Variants in STOML3 observed in about 807,000 individuals in gnomAD.
STOML3 encodes stomatin like 3.
A neutral mutation model predicts 29.5 loss-of-function variants in STOML3; 31 were observed. The ratio of observed to expected loss-of-function variants is 1.05; its 90% CI spans 0.79 to 1.42. The LOEUF (loss-of-function observed/expected upper bound fraction) is 1.42, where lower values mean the gene tolerates loss of function less well. Among genes scored for constraint, STOML3 ranks in the 40% most tolerant of loss-of-function variants. The pLI is 0.00. For missense variants in STOML3, 380 were observed against 363.0 expected (o/e 1.05, Z -0.38); for synonymous variants, 122 against 139.8 (o/e 0.87, Z 0.90).
intron 1 of STOML3, among the ~76,000 whole-genome samples, chr13:38,982,426 T>A (rs892187591): frequency 5.3e-5 from 8 of 152,124 alleles, no homozygotes; most frequent in Admixed American, 2.0e-4. Context: ...TCTTGCCAGT[T>A]TCACAACCCA....
In STOML3 at chr13:38,977,750, A is replaced by ATTTTTTTTTTTTTTTTTTTT. The variant is rs397851686; in HGVS notation, c.53-973_53-954dup. Among the ~76,000 whole-genome samples the ATTTTTTTTTTTTTTTTTTTT allele has an allele frequency of 5.8e-4, 49 of 84,234 alleles. 2 individuals are homozygous for ATTTTTTTTTTTTTTTTTTTT. Among genetic ancestry groups the ATTTTTTTTTTTTTTTTTTTT allele is most frequent in the South Asian group, 2.2e-3 (4 of 1,860 alleles). 55.3% of individuals were successfully genotyped at this position (84,234 alleles called of 152,430 possible). On this transcript the variant is annotated intron_variant, in intron 1 of 6. Coordinates refer to ENST00000379631, the MANE Select transcript of STOML3 (RefSeq NM_145286.3). The stretch of plus-strand genomic sequence containing the variant: ...ATTATATAATTTCTGAAGTCTCCGG[A>ATTTTTTTTTTTTTTTTTTTT]TTTTTTTTTTTTTTTTTTTTTTTTT...
chr13:38,981,922 G>T (rs956745631), intron 1 of STOML3, among the ~76,000 whole-genome samples: 5 of 152,136 alleles, frequency 3.3e-5, no homozygotes, highest in African/African-American at 9.7e-5. Flanking sequence ...TAATACCTGA[G>T]AGCAATGACT....
intron 1 of STOML3, among the ~76,000 whole-genome samples, chr13:38,988,443 A>G (rs1421273675): frequency 1.0e-5 from 1 of 96,410 alleles, no homozygotes; most frequent in Non-Finnish European, 1.8e-5. Context: ...TATAAAATAT[A>G]TTATATTTTA....
intron 1 of STOML3, among the ~76,000 whole-genome samples, chr13:38,980,636 G>T (rs1364817879): frequency 2.6e-5 from 4 of 152,114 alleles, no homozygotes. Flanking sequence ...GTATTCTCTG[G>T]ACAGTTGTCG....
At chr13:38,977,750 A>ATTTTTTTTTTTT (rs397851686) in intron 1 of STOML3, among the ~76,000 whole-genome samples, 6 of 84,234 alleles carry the variant, frequency 7.1e-5, no homozygotes, top group Admixed American at 3.7e-4. Flanking sequence ...AAGTCTCCGG[A>ATTTTTTTTTTTT]TTTTTTTTTT....
intron 1 of STOML3, among the ~76,000 whole-genome samples, chr13:38,988,175 ATATTT>A (rs1432719913): frequency 2.2e-5 from 2 of 91,270 alleles, no homozygotes; most frequent in Non-Finnish European, 3.6e-5. Context: ...ATAATATATT[ATATTT>A]TATATAAAAT....
chr13:38,988,953 A>C (rs942397950), intron 1 of STOML3, among the ~76,000 whole-genome samples: 1 of 145,050 alleles, frequency 6.9e-6, no homozygotes, highest in Non-Finnish European at 1.5e-5. Context: ...TATATATACT[A>C]TATTACACAA....
intron 4 of STOML3, 43 bp from the exon 5 acceptor site, chr13:38,970,431 C>T: frequency 1.3e-6 from 2 of 1,549,528 alleles, no homozygotes; most frequent in East Asian, 2.3e-5. Context: ...TTATGACTTT[C>T]ACCACTACTG....
intron 1 of STOML3, among the ~76,000 whole-genome samples, chr13:38,988,292 T>TATCA (rs1868747969): frequency 1.2e-5 from 1 of 84,112 alleles, no homozygotes; most frequent in Non-Finnish European, 1.9e-5. Flanking sequence ...ATATTATATT[T>TATCA]TATATCATAT....
chr13:38,979,231 A>C (rs928678334), intron 1 of STOML3, among the ~76,000 whole-genome samples: 1 of 152,210 alleles, frequency 6.6e-6, no homozygotes, highest in Non-Finnish European at 1.5e-5. Context: ...GGTGAATCAG[A>C]CTATCATTAC....
Position 38,980,234 on chromosome 13 carries a change from C to A in STOML3, c.53-3437G>T, listed in dbSNP as rs895808834. On this transcript the variant is annotated intron_variant, in intron 1 of 6. Transcript: ENST00000379631. ...GCGGCTTCTGGGAGAATTGGTGGAGCCTGGGGGTCTCATTAGCTGCCAGTT... is the reference window on the plus strand; with the variant it reads ...GCGGCTTCTGGGAGAATTGGTGGAGACTGGGGGTCTCATTAGCTGCCAGTT... 29 of 1,156,888 alleles carry A rather than the reference C, an allele frequency of 2.5e-5. No individual in the cohort carries two copies. In the African/African-American group the frequency reaches 4.5e-4, roughly 18 times the overall value. The allele number at this position is 1,156,888 out of a possible 1,614,324, so 71.7% of individuals were successfully genotyped here.
intron 5 of STOML3, among the ~76,000 whole-genome samples, chr13:38,969,784 C>T (rs1880794130): frequency 6.6e-6 from 1 of 152,100 alleles, no homozygotes; most frequent in African/African-American, 2.4e-5. Context: ...TATGCTGTCT[C>T]AATTGAATTT....
intron 3 of STOML3, among the ~76,000 whole-genome samples, chr13:38,973,096 T>TAAAAAAAAAAA (rs71074495): frequency 3.1e-5 from 1 of 32,554 alleles, no homozygotes; most frequent in African/African-American, 1.3e-4. Flanking sequence ...CCGTCTCTAC[T>TAAAAAAAAAAA]AAAAAAAAAA....
chr13:38,990,251 C>G (rs1346375943), intron 1 of STOML3, among the ~76,000 whole-genome samples: 1 of 152,116 alleles, frequency 6.6e-6, no homozygotes, highest in African/African-American at 2.4e-5. Flanking sequence ...AAGTCAGCCT[C>G]TTCAACATAT....
intron 3 of STOML3, among the ~76,000 whole-genome samples, chr13:38,975,024 A>C (rs1193815723): frequency 6.6e-6 from 1 of 152,138 alleles, no homozygotes; most frequent in Non-Finnish European, 1.5e-5. Flanking sequence ...GAAATTAGAC[A>C]AGTAAGATTA....
chr13:38,984,748 T>C (rs1287579043), intron 1 of STOML3, among the ~76,000 whole-genome samples: 1 of 152,320 alleles, frequency 6.6e-6, no homozygotes, highest in Admixed American at 6.5e-5. Flanking sequence ...ATCCTCATTG[T>C]TAAGCAGTAC....
In STOML3 at chr13:38,966,778, G is replaced by A. The variant is rs755594311; in HGVS notation, c.*47C>T. The A allele has an allele frequency of 6.6e-7, 1 of 1,510,632 alleles. No individual in the cohort carries two copies. Among genetic ancestry groups the A allele is most frequent in the Non-Finnish European group, 9.2e-7 (1 of 1,089,996 alleles). The allele number at this position is 1,510,632 out of a possible 1,614,324, so 93.6% of individuals were successfully genotyped here. A position where few individuals can be genotyped will look rare whatever the true frequency, so the allele number is the denominator to read the frequency against. On this transcript the variant is annotated 3_prime_UTR_variant, in exon 7 of 7. Transcript: ENST00000379631. ...TTTCTAACTACTGGCTTCTCCATAG[G>A]AATAGACACCACTCTCTATGCAATA...
intron 3 of STOML3, among the ~76,000 whole-genome samples, chr13:38,976,165 C>G (rs1881067040): frequency 6.6e-6 from 1 of 152,194 alleles, no homozygotes; most frequent in Non-Finnish European, 1.5e-5. Flanking sequence ...TCTCAATATA[C>G]TCTCCTTGAG....
intron 6 of STOML3, 58 bp downstream of exon 6, chr13:38,968,342 C>T: frequency 1.3e-6 from 2 of 1,586,450 alleles, no homozygotes; most frequent in South Asian, 1.1e-5. Flanking sequence ...AAGTCCTATC[C>T]TTGTTGGCCC....
Sources: allele counts gnomAD v4.1 joint callset (sites outside exome capture counted in the v4.1 genomes callset), GRCh38; gene constraint gnomAD v4.1.1; transcripts MANE v1.5; gene names NCBI Gene and HGNC (gene_info 2026-07-23, HGNC 2026-07-21).